Variants in ITPR2 observed in about 807,000 individuals in gnomAD.
ITPR2 encodes inositol 1,4,5-trisphosphate-gated calcium channel ITPR2.
In ITPR2, 207 loss-of-function variants were observed where a neutral mutation model predicts 317.1. That is an observed-to-expected ratio of 0.65 (90% CI 0.58 to 0.73). The LOEUF is 0.73. ITPR2 is among the 30% of genes least tolerant of loss of function. ITPR2 has a pLI of 0.00. For synonymous variants in ITPR2, 1,156 were observed against 1,149.1 expected, an observed-to-expected ratio of 1.01 and a Z score of -0.12; for missense variants, 2,613 against 3,284.0, an observed-to-expected ratio of 0.80 and a Z score of 4.99.
intron 1 of ITPR2, among the ~76,000 whole-genome samples, chr12:26,818,334 G>A (rs897267600): frequency 1.3e-5 from 2 of 152,192 alleles, no homozygotes; most frequent in African/African-American, 4.8e-5. Context: ...CATTTGCAAT[G>A]TGATAATACT....
chr12:26,744,526 C>T (rs1281899511), intron 2 of ITPR2, among the ~76,000 whole-genome samples: 2 of 152,254 alleles, frequency 1.3e-5, no homozygotes, highest in African/African-American at 4.8e-5. Context: ...TATTTCTCTA[C>T]ATAGCATGTC....
chr12:26,394,345 A>G (rs974264008), intron 54 of ITPR2, among the ~76,000 whole-genome samples: 1 of 152,236 alleles, frequency 6.6e-6, no homozygotes, highest in African/African-American at 2.4e-5. Flanking sequence ...GTACAGTGCT[A>G]TATAGCTAAG....
chr12:26,713,052 A>G (rs956809928), intron 8 of ITPR2, among the ~76,000 whole-genome samples: 1 of 152,238 alleles, frequency 6.6e-6, no homozygotes, highest in Non-Finnish European at 1.5e-5. Flanking sequence ...AGAGGACAGT[A>G]GAAGAGAGAC....
rs1946520851 is a variant in ITPR2 at position 26,622,406 on chromosome 12, C to T, written c.3123-1G>A. ...AAGTTGAACTGGATTTTTTTCTTTT[C>T]TATAAAACCAAAAACATTTCTAAAG... On this transcript the variant is annotated splice_acceptor_variant, in intron 24 of 56. Coordinates refer to ENST00000381340, the MANE Select transcript of ITPR2 (RefSeq NM_002223.4). LOFTEE classifies it high-confidence loss of function. 6.3e-7 allele frequency: 1 copy of T among 1,594,822 alleles called. No homozygotes were observed. Among genetic ancestry groups the T allele is most frequent in the Non-Finnish European group, 8.5e-7 (1 of 1,172,312 alleles).
chr12:26,425,557 A>C (rs1198351193), intron 49 of ITPR2, among the ~76,000 whole-genome samples: 1 of 151,844 alleles, frequency 6.6e-6, no homozygotes, highest in Admixed American at 6.6e-5. Flanking sequence ...AGCCCCAGCT[A>C]CTCAGGAGCC....
At chr12:26,749,681 T>C (rs934908396) in intron 2 of ITPR2, among the ~76,000 whole-genome samples, 2 of 152,212 alleles carry the variant, frequency 1.3e-5, no homozygotes, top group African/African-American at 4.8e-5. Flanking sequence ...TGAAATAGGA[T>C]TAAAAATCAA....
At chr12:26,510,317 C>T (rs921925597) in intron 37 of ITPR2, among the ~76,000 whole-genome samples, 2 of 152,212 alleles carry the variant, frequency 1.3e-5, no homozygotes, top group African/African-American at 4.8e-5. Context: ...TAAGACTACA[C>T]ATCTTCCAGA....
intron 45 of ITPR2, among the ~76,000 whole-genome samples, chr12:26,467,920 A>G (rs572061227): frequency 9.2e-5 from 14 of 152,214 alleles, no homozygotes; most frequent in Admixed American, 6.5e-4. Flanking sequence ...TTTTTTTCCC[A>G]TTATACTTTT....
intron 36 of ITPR2, among the ~76,000 whole-genome samples, chr12:26,555,663 C>T (rs918753874): frequency 3.3e-5 from 5 of 152,140 alleles, no homozygotes; most frequent in Non-Finnish European, 5.9e-5. Flanking sequence ...CATCAGTAAA[C>T]GGAAGAGCGG....
intron 34 of ITPR2, among the ~76,000 whole-genome samples, chr12:26,563,922 C>CCAAT (rs1358687451): frequency 6.6e-6 from 1 of 152,112 alleles, no homozygotes; most frequent in African/African-American, 2.4e-5. Flanking sequence ...ACAAGGAAAA[C>CCAAT]CAATACCATT....
At chr12:26,396,632 A>G (rs1167613669) in intron 54 of ITPR2, among the ~76,000 whole-genome samples, 1 of 152,028 alleles carries the variant, frequency 6.6e-6, no homozygotes, top group East Asian at 1.9e-4. Flanking sequence ...ACCCTCCTCC[A>G]CACTCCAGAT....
intron 54 of ITPR2, among the ~76,000 whole-genome samples, chr12:26,394,107 T>G (rs1269752405): frequency 9.2e-5 from 14 of 152,232 alleles, no homozygotes; most frequent in Non-Finnish European, 8.8e-5. Context: ...GAGATTTTGA[T>G]ATACATGATC....
chr12:26,478,570 G>C (rs770283358), intron 43 of ITPR2, among the ~76,000 whole-genome samples: 1 of 151,996 alleles, frequency 6.6e-6, no homozygotes, highest in Non-Finnish European at 1.5e-5. Context: ...TGGCAATATG[G>C]TATTTTTTCT....
chr12:26,465,308 G>A (rs1942143237), intron 45 of ITPR2, among the ~76,000 whole-genome samples: 2 of 152,196 alleles, frequency 1.3e-5, no homozygotes, highest in Admixed American at 1.3e-4. Flanking sequence ...TGCGGAATGG[G>A]GGCAACCTTT....
intron 21 of ITPR2, among the ~76,000 whole-genome samples, chr12:26,637,914 A>T (rs911816145): frequency 1.3e-5 from 2 of 152,224 alleles, no homozygotes; most frequent in African/African-American, 4.8e-5. Flanking sequence ...ATTCTAAATA[A>T]AACACCACTG....
intron 13 of ITPR2, among the ~76,000 whole-genome samples, chr12:26,670,560 C>G (rs911176316): frequency 6.6e-6 from 1 of 152,128 alleles, no homozygotes; most frequent in Non-Finnish European, 1.5e-5. Flanking sequence ...ACATCACCAT[C>G]ATCAAAGACC....
At chr12:26,531,703 C>T (rs533888163) in intron 37 of ITPR2, among the ~76,000 whole-genome samples, 7 of 151,668 alleles carry the variant, frequency 4.6e-5, no homozygotes, top group Non-Finnish European at 8.8e-5. Context: ...CTGAATGATT[C>T]AAGACAATTC....
chr12:26,337,759 C>G lies in ITPR2; in HGVS notation c.*1638G>C, dbSNP rs1937967484. On this transcript the variant is annotated 3_prime_UTR_variant, in exon 57 of 57. Transcript: ENST00000381340. Reference sequence around the variant, plus strand: ...TACTGTCATGTCAGAGTGAGGAATTCTTAGTATGAGGTGGTGCTGGGGAGT... The same window carrying G: ...TACTGTCATGTCAGAGTGAGGAATTGTTAGTATGAGGTGGTGCTGGGGAGT... The G allele has an allele frequency of 6.6e-6, 1 of 152,128 alleles. No individual in the cohort carries two copies. Among genetic ancestry groups the G allele is most frequent in the Admixed American group, 6.6e-5 (1 of 15,262 alleles). The allele number at this position is 152,128 out of a possible 1,614,324, so 9.4% of individuals were successfully genotyped here. A position where few individuals can be genotyped will look rare whatever the true frequency, so the allele number is the denominator to read the frequency against.
At chr12:26,824,466 G>A (rs1030486421) in intron 1 of ITPR2, among the ~76,000 whole-genome samples, 1 of 151,702 alleles carries the variant, frequency 6.6e-6, no homozygotes, top group African/African-American at 2.4e-5. Flanking sequence ...TAATAACCAG[G>A]AAAAAAAATT....
Sources: allele counts gnomAD v4.1 joint callset (sites outside exome capture counted in the v4.1 genomes callset), GRCh38; gene constraint gnomAD v4.1.1; transcripts MANE v1.5; gene names NCBI Gene and HGNC (gene_info 2026-07-23, HGNC 2026-07-21).